The following RANBP2 variants were observed in gnomAD, a reference collection of about 807,000 sequenced individuals.
The protein encoded by RANBP2 is RAN binding protein 2.
Under a neutral mutation model 303.6 loss-of-function variants are expected in RANBP2, and 57 were observed. The ratio of observed to expected loss-of-function variants is 0.19; its 90% CI spans 0.15 to 0.23. RANBP2 has a LOEUF of 0.23. Among genes scored for constraint, RANBP2 ranks in the 10% least tolerant of loss-of-function variants. The pLI is 1.00. For synonymous variants in RANBP2, 1,167 were observed against 1,301.5 expected, an observed-to-expected ratio of 0.90 and a Z score of 2.23; for missense variants, 3,138 against 3,780.8, an observed-to-expected ratio of 0.83 and a Z score of 4.46.
At chr2:109,529,568 A>G in the RANBP2 span, among the ~76,000 whole-genome samples, 3 of 152,220 alleles carry the variant, frequency 2.0e-5, no homozygotes, top group East Asian at 1.9e-4. Context: ...GACACGTGGT[A>G]ACAGCTGCAG....
chr2:109,508,218 C>T, the RANBP2 span, among the ~76,000 whole-genome samples: 11 of 152,112 alleles, frequency 7.2e-5, no homozygotes, highest in Non-Finnish European at 1.5e-4. Context: ...TCACTGGCTC[C>T]GTTTGGGCCC....
chr2:109,025,112 ATT>A, the RANBP2 span, among the ~76,000 whole-genome samples: 1 of 152,200 alleles, frequency 6.6e-6, no homozygotes, highest in Non-Finnish European at 1.5e-5. Flanking sequence ...ATCATACAAT[ATT>A]TGTGCTTTTG....
chr2:108,868,964 C>T, the RANBP2 span, among the ~76,000 whole-genome samples: 1 of 152,006 alleles, frequency 6.6e-6, no homozygotes, highest in East Asian at 1.9e-4. Context: ...CTCTACGTTC[C>T]CAGCTGAATT....
the RANBP2 span, among the ~76,000 whole-genome samples, chr2:109,726,421 C>T: frequency 2.6e-5 from 4 of 151,674 alleles, no homozygotes; most frequent in African/African-American, 7.3e-5. Flanking sequence ...TAAAAACCCC[C>T]CAAAAAACAA....
At chr2:109,246,747 C>T in the RANBP2 span, among the ~76,000 whole-genome samples, 4 of 152,146 alleles carry the variant, frequency 2.6e-5, no homozygotes, top group East Asian at 1.9e-4. Context: ...GTGGGGATGC[C>T]GGGGTGGAGA....
At chr2:109,455,886 G>A in the RANBP2 span, among the ~76,000 whole-genome samples, 5 of 152,180 alleles carry the variant, frequency 3.3e-5, no homozygotes, top group African/African-American at 4.8e-5. Context: ...GGGTGGGGAG[G>A]GGCCTGCTGT....
the RANBP2 span, among the ~76,000 whole-genome samples, chr2:109,640,231 C>G: frequency 3.9e-5 from 6 of 151,972 alleles, no homozygotes; most frequent in African/African-American, 1.2e-4. Context: ...GCGGGCGGAT[C>G]ACCTGAGGTC....
chr2:109,182,714 G>A, the RANBP2 span, among the ~76,000 whole-genome samples: 1 of 152,126 alleles, frequency 6.6e-6, no homozygotes. Context: ...ATCAACTACT[G>A]CAGTGGTCTA....
the RANBP2 span, among the ~76,000 whole-genome samples, chr2:109,377,403 AGCGTCAG>A: frequency 9.2e-5 from 14 of 152,266 alleles, no homozygotes; most frequent in Non-Finnish European, 1.6e-4. Context: ...AAAAGGCCAT[AGCGTCAG>A]TGGCTGTGGT....
chr2:109,722,991 G>A, the RANBP2 span, among the ~76,000 whole-genome samples: 1 of 152,010 alleles, frequency 6.6e-6, no homozygotes, highest in African/African-American at 2.4e-5. Context: ...CCCAGTAATG[G>A]GATTGCTGGT....
At chr2:109,487,242 T>A in the RANBP2 span, among the ~76,000 whole-genome samples, 2 of 152,304 alleles carry the variant, frequency 1.3e-5, no homozygotes, top group South Asian at 4.1e-4. Flanking sequence ...CCTCTTCTCC[T>A]CCCACGGTGT....
chr2:108,825,598 T>C, the RANBP2 span, among the ~76,000 whole-genome samples: 1 of 152,212 alleles, frequency 6.6e-6, no homozygotes, highest in Admixed American at 6.5e-5. Flanking sequence ...ATTTATTATG[T>C]TTTTGAAATT....
chr2:109,460,045 G>A, the RANBP2 span, among the ~76,000 whole-genome samples: 5 of 152,212 alleles, frequency 3.3e-5, no homozygotes, highest in East Asian at 1.9e-4. Flanking sequence ...TCTACATTCT[G>A]TCAAGCCAGC....
At chr2:109,371,809 C>A in the RANBP2 span, 1 of 771,384 alleles carries the variant, frequency 1.3e-6, no homozygotes, top group Non-Finnish European at 2.2e-6. Flanking sequence ...AGCCTCTGGC[C>A]AGAGAGCTGC....
the RANBP2 span, among the ~76,000 whole-genome samples, chr2:108,919,214 G>A: frequency 7.9e-5 from 12 of 152,168 alleles, no homozygotes; most frequent in South Asian, 6.2e-4. Flanking sequence ...CACAAGAGAC[G>A]GAAACCACGG....
chr2:109,675,928 T>G, the RANBP2 span, among the ~76,000 whole-genome samples: 2 of 152,166 alleles, frequency 1.3e-5, no homozygotes, highest in Admixed American at 1.3e-4. Context: ...CGAAATGGAC[T>G]GTTTGGTTCC....
chr2:109,313,399 T>C, the RANBP2 span, among the ~76,000 whole-genome samples: 47,411 of 152,080 alleles, frequency 0.31, 9,145 homozygotes, highest in African/African-American at 0.55. Flanking sequence ...TGAAGTGTCA[T>C]ATTTTAAGAT....
At chr2:109,545,166 A>G in the RANBP2 span, 4 of 985,060 alleles carry the variant, frequency 4.1e-6, no homozygotes, top group Non-Finnish European at 4.8e-6. Flanking sequence ...CAACGCTGCT[A>G]GCACAGAGGT....
At position 108,785,054 on chromosome 2, in the gene RANBP2, A is replaced by G. The variant is rs190050111; in HGVS notation, c.*1153A>G. The G allele has an allele frequency of 6.6e-6, 1 of 152,368 alleles. No individual in the cohort carries two copies. Among genetic ancestry groups the G allele is most frequent in the African/African-American group, 2.4e-5 (1 of 41,584 alleles). The allele number at this position is 152,368 out of a possible 1,614,324, so 9.4% of individuals were successfully genotyped here. ...TAGAACACAAAATTTTGTATATTGCAATTATGAATATTGACTGTCTTCCAC... is the reference window on the plus strand; with the variant it reads ...TAGAACACAAAATTTTGTATATTGCGATTATGAATATTGACTGTCTTCCAC... On this transcript the variant is annotated 3_prime_UTR_variant, in exon 29 of 29. Coordinates refer to ENST00000283195, the MANE Select transcript of RANBP2 (RefSeq NM_006267.5).
Sources: allele counts gnomAD v4.1 joint callset (sites outside exome capture counted in the v4.1 genomes callset), GRCh38; gene constraint gnomAD v4.1.1; transcripts MANE v1.5; gene names NCBI Gene and HGNC (gene_info 2026-07-23, HGNC 2026-07-21).